Variants in POLN observed in about 807,000 individuals in gnomAD.
The protein encoded by POLN is DNA polymerase N.
POLN carries 108 observed loss-of-function variants against 113.5 expected under a neutral mutation model. The observed-to-expected ratio is 0.95, with a 90% confidence interval of 0.81 to 1.12. POLN has a LOEUF of 1.12. Among genes scored for constraint, POLN ranks in the 50% most tolerant of loss-of-function variants. POLN has a pLI of 0.00. For synonymous variants in POLN, 386 were observed against 391.5 expected (o/e 0.99, Z 0.17); for missense variants, 1,097 against 1,077.1 (o/e 1.02, Z -0.26).
chr4:2,207,405 G>A (rs1409264846), intron 5 of POLN, among the ~76,000 whole-genome samples: 3 of 152,040 alleles, frequency 2.0e-5, no homozygotes, highest in African/African-American at 7.2e-5. Context: ...AATCAATAGA[G>A]ATCAAATTTA....
At chr4:2,179,252 T>C in intron 8 of POLN, 56 bp downstream of exon 8, 1 of 1,484,306 alleles carries the variant, frequency 6.7e-7, no homozygotes, top group Non-Finnish European at 9.2e-7. Context: ...TAGAAAAAGC[T>C]TCCAGAAAAA....
intron 7 of POLN, among the ~76,000 whole-genome samples, chr4:2,188,188 C>A (rs1733327968): frequency 6.6e-6 from 1 of 152,090 alleles, no homozygotes; most frequent in African/African-American, 2.4e-5. Context: ...CTGTGCCCAG[C>A]AAAGCTATCC....
At chr4:2,099,200 AC>A (rs1487688984) in intron 19 of POLN, among the ~76,000 whole-genome samples, 1 of 152,214 alleles carries the variant, frequency 6.6e-6, no homozygotes, top group African/African-American at 2.4e-5. Flanking sequence ...ACAAAGGGTA[AC>A]CCCCAACTCC....
intron 5 of POLN, among the ~76,000 whole-genome samples, chr4:2,207,044 C>G (rs958998323): frequency 6.6e-6 from 1 of 152,134 alleles, no homozygotes; most frequent in Admixed American, 6.6e-5. Context: ...GTGGTATATA[C>G]ATATGATGGA....
intron 16 of POLN, among the ~76,000 whole-genome samples, chr4:2,137,045 TC>T (rs1344829858): frequency 1.3e-5 from 2 of 152,210 alleles, no homozygotes; most frequent in Non-Finnish European, 2.9e-5. Flanking sequence ...GGACACAGCC[TC>T]CCGGGGCAGG....
chr4:2,101,228 G>A (rs1040925134), intron 19 of POLN, among the ~76,000 whole-genome samples: 6 of 151,866 alleles, frequency 4.0e-5, no homozygotes, highest in Admixed American at 1.3e-4. Flanking sequence ...GTGTTGAAAA[G>A]AAACACAAAC....
intron 16 of POLN, among the ~76,000 whole-genome samples, chr4:2,134,057 T>C (rs1241426238): frequency 2.6e-5 from 4 of 152,240 alleles, no homozygotes; most frequent in African/African-American, 9.6e-5. Context: ...ATCTGTTTAC[T>C]GTGTCTACAG....
At chr4:2,216,797 T>C (rs951662846) in intron 3 of POLN, among the ~76,000 whole-genome samples, 1 of 152,194 alleles carries the variant, frequency 6.6e-6, no homozygotes, top group African/African-American at 2.4e-5. Context: ...CCAAGGAAGG[T>C]ACAACTGGGG....
At chr4:2,207,770 C>G (rs1733888402) in intron 5 of POLN, among the ~76,000 whole-genome samples, 1 of 152,188 alleles carries the variant, frequency 6.6e-6, no homozygotes, top group Admixed American at 6.5e-5. Flanking sequence ...CCCTAGTACA[C>G]TGCTGGTGGA....
chr4:2,216,123 G>C (rs905292933), intron 3 of POLN, among the ~76,000 whole-genome samples: 1 of 152,146 alleles, frequency 6.6e-6, no homozygotes, highest in Non-Finnish European at 1.5e-5. Context: ...TGACGCCCAC[G>C]GTCAGCCACC....
intron 19 of POLN, among the ~76,000 whole-genome samples, chr4:2,122,944 G>C (rs1731484242): frequency 6.6e-6 from 1 of 151,432 alleles, no homozygotes; most frequent in South Asian, 2.1e-4. Flanking sequence ...CTTGAGCCCA[G>C]GAGTTTGAGG....
rs1414427713 is a variant in POLN at position 2,102,075 on chromosome 4, G to A, written c.1983-6142C>T. 4.6e-5 allele frequency among the ~76,000 whole-genome samples: 7 copies of A among 152,166 alleles called. No homozygotes were observed. The East Asian group carries it at 1.3e-3, about 29-fold the overall frequency. ...ACTGGAACAGGCCCTAACTCCCACA[G>A]CAGGACCTCAGCATAGTGGCTGTTG... is the stretch of plus-strand genomic sequence containing the variant. On this transcript the variant is annotated intron_variant, in intron 19 of 25. Coordinates refer to ENST00000511885, the MANE Select transcript of POLN (RefSeq NM_181808.4).
rs1436284873 is a variant in POLN, at chr4:2,229,243, C to T, written c.-12G>A. On this transcript the variant is annotated splice_region_variant and 5_prime_UTR_variant, in exon 3 of 26. Transcript: ENST00000511885. Reference sequence around the variant, plus strand: ...TCATAATTTTCCATTTTCACAAAATCCTAAATGTAAGATTAACATAAGATA... The same window carrying T: ...TCATAATTTTCCATTTTCACAAAATTCTAAATGTAAGATTAACATAAGATA... The T allele has an allele frequency of 6.3e-7, 1 of 1,584,332 alleles. No individual in the cohort carries two copies. Among genetic ancestry groups the T allele is most frequent in the East Asian group, 2.3e-5 (1 of 44,342 alleles).
At chr4:2,131,784 C>T (rs1056369380) in intron 16 of POLN, among the ~76,000 whole-genome samples, 3 of 152,154 alleles carry the variant, frequency 2.0e-5, no homozygotes, top group African/African-American at 7.2e-5. Flanking sequence ...GTGCTACGTC[C>T]CCTGCAAACT....
chr4:2,084,649 T>G (rs1730507408), intron 21 of POLN, among the ~76,000 whole-genome samples: 1 of 151,986 alleles, frequency 6.6e-6, no homozygotes, highest in Non-Finnish European at 1.5e-5. Flanking sequence ...GGCCCCAGAG[T>G]GAAAAGTCAT....
intron 13 of POLN, among the ~76,000 whole-genome samples, chr4:2,160,074 A>G (rs1237018477): frequency 2.0e-5 from 3 of 152,228 alleles, no homozygotes; most frequent in Non-Finnish European, 4.4e-5. Context: ...TACCCCTTTC[A>G]GCAAAACATA....
intron 23 of POLN, chr4:2,079,974 C>G (rs994872030): frequency 2.0e-6 from 2 of 985,400 alleles, no homozygotes; most frequent in Middle Eastern, 5.2e-4. Context: ...CCCAGTGAAG[C>G]TGCAAGCAGA....
intron 6 of POLN, among the ~76,000 whole-genome samples, chr4:2,194,156 A>G (rs544537926): frequency 6.6e-6 from 1 of 152,346 alleles, no homozygotes; most frequent in South Asian, 2.1e-4. Context: ...GAAGAGGTTA[A>G]GCAATTTGGC....
At chr4:2,188,307 GA>G (rs1010252210) in intron 7 of POLN, among the ~76,000 whole-genome samples, 1 of 151,934 alleles carries the variant, frequency 6.6e-6, no homozygotes, top group South Asian at 2.1e-4. Context: ...CAATCTGAAA[GA>G]AAAAAACACG....
Sources: gnomAD v4.1 joint callset for allele counts (sites outside exome capture counted in the v4.1 genomes callset) on GRCh38, gnomAD v4.1.1 for gene constraint, MANE v1.5 for transcripts, NCBI Gene and HGNC (gene_info 2026-07-23, HGNC 2026-07-21) for gene names.